LBR: variants seen among roughly 807,000 people sequenced by gnomAD.
LBR encodes the protein delta(14)-sterol reductase LBR.
Under a neutral mutation model 74.3 loss-of-function variants are expected in LBR, and 28 were observed. The observed-to-expected ratio is 0.38, with a 90% CI of 0.28 to 0.52. LBR has a LOEUF of 0.52. LBR is among the 20% of genes least tolerant of loss of function. The probability of loss-of-function intolerance (pLI) is 0.89; values close to 1 mark genes in which losing one functional copy is unlikely to be tolerated. For missense variants in LBR, 717 were observed against 760.3 expected (o/e 0.94, Z 0.67); for synonymous variants, 228 against 269.3 (o/e 0.85, Z 1.50).
At position 225,424,475 on chromosome 1, in the gene LBR, C is replaced by T. The variant is rs150369513; in HGVS notation, c.-14-386G>A. On this transcript the variant is annotated intron_variant, in intron 1 of 13. Coordinates refer to ENST00000272163, the MANE Select transcript of LBR (RefSeq NM_002296.4). The stretch of plus-strand genomic sequence containing the variant: ...AAAATGCATTTAATTGTATTTTTAA[C>T]AAATTGCCTTTATTAAAAACAGCAA... 8.4e-3 allele frequency among the ~76,000 whole-genome samples: 1,279 copies of T among 152,302 alleles called. 17 individuals carry two copies. Among genetic ancestry groups the T allele is most frequent in the African/African-American group, 0.029 (1,199 of 41,554 alleles).
chr1:225,414,197 C>G, intron 7 of LBR: 1 of 451,956 alleles, frequency 2.2e-6, no homozygotes, highest in Non-Finnish European at 4.5e-6. Flanking sequence ...GACTCTGGAG[C>G]TGGGGGAGAC....
At position 225,416,097 on chromosome 1, in the gene LBR, T is replaced by C. The variant is rs140644569; in HGVS notation, c.838-765A>G. On this transcript the variant is annotated intron_variant, in intron 6 of 13. Coordinates refer to ENST00000272163, the MANE Select transcript of LBR (RefSeq NM_002296.4). Reference sequence around the variant, plus strand: ...GGTGGCACGCGCCTGTGGTCCCAGCTACTCGGGAGGCTGAAGTGGGAAGAT... The same window carrying C: ...GGTGGCACGCGCCTGTGGTCCCAGCCACTCGGGAGGCTGAAGTGGGAAGAT... 6.2e-3 allele frequency among the ~76,000 whole-genome samples: 946 copies of C among 151,698 alleles called. 12 individuals carry two copies. The highest frequency in any genetic ancestry group is 0.019 in the African/African-American group (790 of 41,310).
upstream of LBR, among the ~76,000 whole-genome samples, chr1:225,428,438 T>C (rs772046044): frequency 3.3e-5 from 5 of 152,344 alleles, no homozygotes; most frequent in Middle Eastern, 6.8e-3. Context: ...ACGAGATTTT[T>C]TTTTAAGCTA....
At chr1:225,420,356 G>C (rs2096125584) in intron 3 of LBR, among the ~76,000 whole-genome samples, 1 of 151,066 alleles carries the variant, frequency 6.6e-6, no homozygotes, top group African/African-American at 2.4e-5. Context: ...CAGACTGAAT[G>C]TCATAATTTC....
intron 6 of LBR, among the ~76,000 whole-genome samples, chr1:225,415,895 T>TCAG (rs2096116224): frequency 6.6e-6 from 1 of 152,126 alleles, no homozygotes; most frequent in Non-Finnish European, 1.5e-5. Flanking sequence ...ATGTGATTCT[T>TCAG]TTATCTGCAA....
chr1:225,421,436 T>C (rs2096127328), intron 3 of LBR, among the ~76,000 whole-genome samples: 1 of 152,224 alleles, frequency 6.6e-6, no homozygotes, highest in African/African-American at 2.4e-5. Context: ...GAGCTTGCAG[T>C]GAGCTGAGAT....
chr1:225,415,118 T>C (rs2096114563), intron 7 of LBR, among the ~76,000 whole-genome samples, 160 bp downstream of exon 7: 1 of 152,236 alleles, frequency 6.6e-6, no homozygotes, highest in Non-Finnish European at 1.5e-5. Context: ...AATGGCATAA[T>C]TTATACAAGT....
rs1458202605 is a variant in LBR, at chr1:225,412,613, T to C, written c.925A>G (p.Ile309Val). ...ACGCCCTGGAAGAGAGATGTTCCGATGACTGCAGATGTCAGGATAAAAGCA... is the reference window on the plus strand; with the variant it reads ...ACGCCCTGGAAGAGAGATGTTCCGACGACTGCAGATGTCAGGATAAAAGCA... ...FYAFILTSAVIGTSLFQGVEF... is the reference protein window; with the variant it reads ...FYAFILTSAVVGTSLFQGVEF... Residue 309 changes from isoleucine (I) to valine (V), a missense_variant, in exon 8 of 14, where the codon ATC becomes GTC. By Grantham distance (29) the Ile-to-Val change is conservative. Coordinates refer to ENST00000272163, the MANE Select transcript of LBR (RefSeq NM_002296.4). 5.0e-6 allele frequency: 8 copies of C among 1,609,954 alleles called. No individual in the cohort carries two copies. The South Asian group carries it at 7.7e-5, about 15-fold the overall frequency.
chr1:225,404,417 C>A lies in LBR; in HGVS notation c.1674G>T (p.Trp558Cys). The change falls in exon 13 of 14, where the codon TGG becomes TGT. Residue 558 changes from tryptophan to cysteine, a missense_variant. Transcript: ENST00000272163. ...TGAAATGCTTACCACATGGGAGGGACCACGCCAAGGCCATGATGAGATCAC... is the reference window on the plus strand; with the variant it reads ...TGAAATGCTTACCACATGGGAGGGAACACGCCAAGGCCATGATGAGATCAC... Reference protein sequence around the residue: ...YLGDLIMALAWSLPCGFNHIL... With the variant: ...YLGDLIMALACSLPCGFNHIL... 1.2e-6 allele frequency: 2 copies of A among 1,614,076 alleles called. No individual in the cohort carries two copies. The highest frequency in any genetic ancestry group is 2.2e-5 in the South Asian group (2 of 91,072).
chr1:225,416,024 G>T (rs551351638), intron 6 of LBR, among the ~76,000 whole-genome samples: 26 of 151,942 alleles, frequency 1.7e-4, no homozygotes, highest in African/African-American at 5.8e-4. Context: ...GCAACATGGT[G>T]AAATCCCCTC....
At chr1:225,418,366 A>G (rs2096121350) in intron 5 of LBR, among the ~76,000 whole-genome samples, 186 bp from the exon 6 acceptor site, 2 of 152,012 alleles carry the variant, frequency 1.3e-5, no homozygotes, top group African/African-American at 4.8e-5. Context: ...CATGGGCATC[A>G]AAGTAGTAAA....
intron 1 of LBR, among the ~76,000 whole-genome samples, chr1:225,426,455 C>T (rs2096139271): frequency 6.6e-6 from 1 of 152,210 alleles, no homozygotes; most frequent in Non-Finnish European, 1.5e-5. Context: ...CCTCATTCGC[C>T]ATAAACAGGA....
chr1:225,413,447 G>C (rs1436164987), intron 7 of LBR, among the ~76,000 whole-genome samples: 2 of 152,184 alleles, frequency 1.3e-5, no homozygotes, highest in African/African-American at 4.8e-5. Context: ...AAAGAGCTGT[G>C]ATCCTAAAAA....
chr1:225,410,779 G>A (rs1210678799), intron 9 of LBR, among the ~76,000 whole-genome samples: 1 of 152,192 alleles, frequency 6.6e-6, no homozygotes, highest in African/African-American at 2.4e-5. Context: ...GACTAAGAAG[G>A]AATAACAACT....
Position 225,401,565 on chromosome 1 carries a change from A to G in LBR, c.*1738T>C, listed in dbSNP as rs1056508992. On this transcript the variant is annotated 3_prime_UTR_variant, in exon 14 of 14. Coordinates refer to ENST00000272163, the MANE Select transcript of LBR (RefSeq NM_002296.4). ...CTTCATTATAAAATTTGCCAAATAA[A>G]CATGTCAAAAACAAACTTAAAAACA... is the stretch of plus-strand genomic sequence containing the variant. 2.0e-5 allele frequency: 3 copies of G among 152,230 alleles called. No individual in the cohort carries two copies. The highest frequency in any genetic ancestry group is 4.4e-5 in the Non-Finnish European group (3 of 68,030). 9.4% of individuals were successfully genotyped at this position (152,230 alleles called of 1,614,324 possible).
intron 1 of LBR, among the ~76,000 whole-genome samples, chr1:225,424,828 C>T (rs2096136034): frequency 6.6e-6 from 1 of 152,240 alleles, no homozygotes; most frequent in South Asian, 2.1e-4. Flanking sequence ...AGAACTGCCA[C>T]TTACGTGAGG....
chr1:225,413,948 C>T lies in LBR; in HGVS notation c.893-1303G>A, dbSNP rs1360812432. The stretch of plus-strand genomic sequence containing the variant: ...GAAGTGAAAATATAACACAAGACTA[C>T]TTAGAAAAGAATTGGTACCTACAGA... On this transcript the variant is annotated intron_variant, in intron 7 of 13. Transcript: ENST00000272163. 26 of 456,662 alleles carry T rather than the reference C, an allele frequency of 5.7e-5. No homozygotes were observed. In the East Asian group the frequency reaches 1.8e-3, roughly 32 times the overall value. 28.3% of individuals were successfully genotyped at this position (456,662 alleles called of 1,614,324 possible). A position where few individuals can be genotyped will look rare whatever the true frequency, so the allele number is the denominator to read the frequency against.
chr1:225,419,608 A>G, intron 4 of LBR, 107 bp downstream of exon 4: 1 of 1,037,672 alleles, frequency 9.6e-7, no homozygotes, highest in Non-Finnish European at 1.5e-6. Flanking sequence ...ATTTTAGAAC[A>G]GGTTATAAAA....
chr1:225,419,900 A>G lies in LBR; in HGVS notation c.367-102T>C, dbSNP rs1421652438. 4.7e-6 allele frequency: 4 copies of G among 845,220 alleles called. No homozygotes were observed. In the African/African-American group the frequency reaches 6.7e-5, roughly 14 times the overall value. The allele number at this position is 845,220 out of a possible 1,614,324, so 52.4% of individuals were successfully genotyped here. On this transcript the variant is annotated intron_variant, in intron 3 of 13. Transcript: ENST00000272163. ...GTTTTGGAATCAAGCAATAAAACAG[A>G]TTTTTCACAGCCTTAATTCTGACGA...
Sources: allele counts gnomAD v4.1 joint callset (sites outside exome capture counted in the v4.1 genomes callset), GRCh38; gene constraint gnomAD v4.1.1; transcripts MANE v1.5; gene names NCBI Gene and HGNC (gene_info 2026-07-23, HGNC 2026-07-21).